SLC7A11: variants seen among roughly 807,000 people sequenced by gnomAD.
SLC7A11 encodes the protein cystine/glutamate transporter.
A neutral mutation model predicts 54.5 loss-of-function variants in SLC7A11; 35 were observed. The ratio of observed to expected loss-of-function variants is 0.64; its 90% CI spans 0.49 to 0.85. The LOEUF (loss-of-function observed/expected upper bound fraction) is 0.85. SLC7A11 is among the 40% of genes least tolerant of loss of function. The pLI, the probability that SLC7A11 is intolerant of heterozygous loss-of-function variation, is 0.00. For synonymous variants in SLC7A11, 230 were observed against 225.2 expected, an observed-to-expected ratio of 1.02 and a Z score of -0.19; for missense variants, 583 against 618.1, an observed-to-expected ratio of 0.94 and a Z score of 0.60.
intron 6 of SLC7A11, among the ~76,000 whole-genome samples, chr4:138,210,021 G>T (rs1737510001): frequency 6.6e-6 from 1 of 151,894 alleles, no homozygotes; most frequent in African/African-American, 2.4e-5. Context: ...AACCCAAACA[G>T]AATGATACAG....
chr4:138,237,729 ATATATATATTTTTTTTTTTTTTTT>A (rs1394497719), intron 1 of SLC7A11, among the ~76,000 whole-genome samples: 1 of 10,318 alleles, frequency 9.7e-5, no homozygotes, highest in Non-Finnish European at 1.7e-4. Context: ...ATATATATAT[ATATATATATTTTTTTTTTTTTTTT>A]TTTTTTTTTT....
rs1226664189 is a variant in SLC7A11, at chr4:138,171,329, C to T, written c.*627G>A. 1.3e-5 allele frequency: 2 copies of T among 152,100 alleles called. No individual in the cohort carries two copies. The highest frequency in any genetic ancestry group is 2.4e-5 in the African/African-American group (1 of 41,432). The allele number at this position is 152,100 out of a possible 1,614,324, so 9.4% of individuals were successfully genotyped here. On this transcript the variant is annotated 3_prime_UTR_variant, in exon 12 of 12. Coordinates refer to ENST00000280612, the MANE Select transcript of SLC7A11 (RefSeq NM_014331.4). ...TTAAACATAACTCCTGGATGTGTCT[C>T]ATAAACAGTAGCCCCTAGAAACTCT...
chr4:138,208,545 A>C (rs1737464446), intron 6 of SLC7A11, among the ~76,000 whole-genome samples: 2 of 152,206 alleles, frequency 1.3e-5, no homozygotes, highest in Middle Eastern at 3.4e-3. Context: ...AAGTCATGTC[A>C]TAAGGCAAAA....
chr4:138,240,293 G>A (rs778305276), intron 1 of SLC7A11, among the ~76,000 whole-genome samples: 18 of 151,990 alleles, frequency 1.2e-4, no homozygotes, highest in Non-Finnish European at 1.8e-4. Flanking sequence ...AGGACCGGGC[G>A]CGGTGGCTCA....
chr4:138,200,924 C>G (rs1412935163), intron 6 of SLC7A11, among the ~76,000 whole-genome samples: 1 of 152,070 alleles, frequency 6.6e-6, no homozygotes, highest in African/African-American at 2.4e-5. Flanking sequence ...AGAGACATTA[C>G]TATAATAAAT....
intron 3 of SLC7A11, among the ~76,000 whole-genome samples, chr4:138,224,981 A>C (rs935252227): frequency 2.9e-4 from 44 of 151,588 alleles, no homozygotes; most frequent in Non-Finnish European, 4.3e-4. Flanking sequence ...AAATTTTATG[A>C]TGAACATATA....
intron 11 of SLC7A11, 99 bp from the exon 12 acceptor site, chr4:138,172,116 C>A: frequency 8.4e-7 from 1 of 1,190,136 alleles, no homozygotes; most frequent in Non-Finnish European, 1.1e-6. Context: ...CAAAAACACA[C>A]AACTGTCTAC....
chr4:138,212,183 G>A (rs1289844119), intron 6 of SLC7A11, among the ~76,000 whole-genome samples: 6 of 151,774 alleles, frequency 4.0e-5, no homozygotes, highest in African/African-American at 1.4e-4. Flanking sequence ...GATCAAAAAT[G>A]CATATGAGGT....
At chr4:138,203,324 CT>C (rs1737332408) in intron 6 of SLC7A11, among the ~76,000 whole-genome samples, 1 of 151,972 alleles carries the variant, frequency 6.6e-6, no homozygotes, top group African/African-American at 2.4e-5. Flanking sequence ...ATTCCAATGC[CT>C]AACCAAATTC....
chr4:138,202,736 C>A (rs1185089926), intron 6 of SLC7A11, among the ~76,000 whole-genome samples: 5 of 152,026 alleles, frequency 3.3e-5, no homozygotes, highest in African/African-American at 9.7e-5. Context: ...CAGCCGATAA[C>A]CCAGAGGCTC....
intron 6 of SLC7A11, among the ~76,000 whole-genome samples, chr4:138,185,941 G>A (rs1258759959): frequency 6.6e-6 from 1 of 152,094 alleles, no homozygotes; most frequent in Non-Finnish European, 1.5e-5. Context: ...TTCAAAGGAA[G>A]CTCAAGATCG....
Position 138,223,259 on chromosome 4 carries a change from A to G in SLC7A11, c.586T>C (p.Phe196Leu). The G allele has an allele frequency of 6.2e-7, 1 of 1,613,686 alleles. No homozygotes were observed. ...WSARIQIFLT[F>L]CKLTAILIII... Reference sequence around the variant, plus strand: ...ATCAGAATTGCTGTGAGCTTGCAAAAGGTTAAGAAAATCTGGATCCGGGCG... The same window carrying G: ...ATCAGAATTGCTGTGAGCTTGCAAAGGGTTAAGAAAATCTGGATCCGGGCG... Residue 196 changes from phenylalanine to leucine, a missense_variant, in exon 4 of 12, where the codon TTT becomes CTT. Coordinates refer to ENST00000280612, the MANE Select transcript of SLC7A11 (RefSeq NM_014331.4).
intron 9 of SLC7A11, among the ~76,000 whole-genome samples, chr4:138,181,814 A>AT (rs1219404824): frequency 6.6e-6 from 1 of 152,166 alleles, no homozygotes; most frequent in Admixed American, 6.6e-5. Context: ...GCAGGATAAA[A>AT]GACACTTGCT....
At position 138,166,049 on chromosome 4, in the gene SLC7A11, C is replaced by A. The variant is rs1273510371; in HGVS notation, c.*5907G>T. The A allele has an allele frequency of 6.6e-6, 1 of 152,078 alleles. No homozygotes were observed. The highest frequency in any genetic ancestry group is 1.5e-5 in the Non-Finnish European group (1 of 67,998). The allele number at this position is 152,078 out of a possible 1,614,324, so 9.4% of individuals were successfully genotyped here. ...TTCTAGTCGAGTATGAGCATACATT[C>A]ATGGGAACAATCTGTTTCATTCTTC... On this transcript the variant is annotated 3_prime_UTR_variant, in exon 12 of 12. Coordinates refer to ENST00000280612, the MANE Select transcript of SLC7A11 (RefSeq NM_014331.4).
chr4:138,207,475 C>T (rs1292609704), intron 6 of SLC7A11, among the ~76,000 whole-genome samples: 2 of 152,068 alleles, frequency 1.3e-5, no homozygotes, highest in African/African-American at 2.4e-5. Context: ...GAGGCTGAGG[C>T]AGGTGGATCA....
chr4:138,228,865 G>A (rs774473578), intron 3 of SLC7A11, among the ~76,000 whole-genome samples: 6 of 150,790 alleles, frequency 4.0e-5, no homozygotes, highest in Non-Finnish European at 5.9e-5. Flanking sequence ...TAACTTCCAC[G>A]CACCTGACAT....
intron 1 of SLC7A11, among the ~76,000 whole-genome samples, chr4:138,239,844 T>G (rs1438781441): frequency 6.6e-6 from 1 of 152,248 alleles, no homozygotes; most frequent in Non-Finnish European, 1.5e-5. Context: ...TAGTGGAAGC[T>G]GCATGCACAT....
At chr4:138,211,251 C>A (rs1372818337) in intron 6 of SLC7A11, among the ~76,000 whole-genome samples, 1 of 151,666 alleles carries the variant, frequency 6.6e-6, no homozygotes, top group Non-Finnish European at 1.5e-5. Flanking sequence ...GTAAGGACGG[C>A]AAGAGTGGGG....
chr4:138,232,273 C>T lies in SLC7A11; in HGVS notation c.514G>A (p.Gly172Ser), dbSNP rs897182121. The T allele has an allele frequency of 3.1e-6, 5 of 1,590,828 alleles. No individual in the cohort carries two copies. In the Admixed American group the frequency reaches 5.0e-5, roughly 16 times the overall value. The change falls in exon 3 of 12, where the codon GGC becomes AGC. Residue 172 changes from glycine (G) to serine (S), a missense_variant. Transcript: ENST00000280612. Reference protein sequence around the residue: ...ELAIKLITAVGITVVMVLNSM... With the variant: ...ELAIKLITAVSITVVMVLNSM... Reference sequence around the variant, plus strand: ...ATATAGCTATAATACTCACTTATGCCCACAGCTGTAATGAGCTTGATCGCA... The same window carrying T: ...ATATAGCTATAATACTCACTTATGCTCACAGCTGTAATGAGCTTGATCGCA...
Sources: gnomAD v4.1 joint callset for allele counts (sites outside exome capture counted in the v4.1 genomes callset) on GRCh38, gnomAD v4.1.1 for gene constraint, MANE v1.5 for transcripts, NCBI Gene and HGNC (gene_info 2026-07-23, HGNC 2026-07-21) for gene names.